The following ULK4 variants were observed in gnomAD, a reference collection of about 807,000 sequenced individuals.
ULK4 encodes inactive serine/threonine-protein kinase ULK4.
In ULK4, 133 loss-of-function variants were observed where a neutral mutation model predicts 160.6. The ratio of observed to expected loss-of-function variants is 0.83; its 90% confidence interval spans 0.72 to 0.96. ULK4 has a LOEUF of 0.96. ULK4 is among the 40% of genes least tolerant of loss of function. ULK4 has a pLI of 0.00. For synonymous variants in ULK4, 534 were observed against 539.8 expected, an observed-to-expected ratio of 0.99 and a Z score of 0.15; for missense variants, 1,580 against 1,499.5, an observed-to-expected ratio of 1.05 and a Z score of -0.89.
intron 30 of ULK4, among the ~76,000 whole-genome samples, chr3:41,641,838 A>G (rs1053802555): frequency 7.2e-5 from 11 of 152,060 alleles, no homozygotes; most frequent in Non-Finnish European, 1.5e-4. Context: ...CAAGTAAAAA[A>G]AAAAAGGAGC....
At chr3:41,527,578 C>T (rs2086164249) in intron 32 of ULK4, among the ~76,000 whole-genome samples, 1 of 152,216 alleles carries the variant, frequency 6.6e-6, no homozygotes, top group African/African-American at 2.4e-5. Context: ...GGAAGTCTGG[C>T]TCCAGACTTT....
Position 41,717,847 on chromosome 3 carries a change from A to G in ULK4, c.2336T>C (p.Ile779Thr). 2 of 1,613,980 alleles carry G rather than the reference A, an allele frequency of 1.2e-6. No homozygotes were observed. The highest frequency in any genetic ancestry group is 2.2e-5 in the South Asian group (2 of 91,064). Reference sequence around the variant, plus strand: ...AGTGGTCTTTCTGCTGTCTCTCTCGATGTACATCACCAGTCTACATACAGG... The same window carrying G: ...AGTGGTCTTTCTGCTGTCTCTCTCGGTGTACATCACCAGTCTACATACAGG... ...LSCQARLVMY[I>T]ERDSRKTTPG... Residue 779 changes from isoleucine (I) to threonine (T), a missense_variant, in exon 23 of 37, where the codon ATC becomes ACC. By Grantham distance (89) the Ile-to-Thr change is moderately conservative. Transcript: ENST00000301831.
chr3:41,444,402 T>A (rs2083246463), intron 34 of ULK4, among the ~76,000 whole-genome samples: 1 of 151,920 alleles, frequency 6.6e-6, no homozygotes, highest in Admixed American at 6.6e-5. Context: ...TGTATATATA[T>A]AATCTCCTTA....
At chr3:41,682,057 T>C (rs1469734599) in intron 27 of ULK4, among the ~76,000 whole-genome samples, 5 of 152,212 alleles carry the variant, frequency 3.3e-5, no homozygotes, top group Non-Finnish European at 5.9e-5. Context: ...TCAGGGTCTA[T>C]GAAAGGAACT....
chr3:41,249,825 G>A (rs1006955745), intron 35 of ULK4, among the ~76,000 whole-genome samples: 2 of 152,172 alleles, frequency 1.3e-5, no homozygotes, highest in Admixed American at 6.5e-5. Context: ...GGCAGAAGAC[G>A]GCCAGTTCAG....
At chr3:41,300,918 C>T (rs1356606278) in intron 35 of ULK4, among the ~76,000 whole-genome samples, 7 of 128,560 alleles carry the variant, frequency 5.4e-5, no homozygotes, top group African/African-American at 1.8e-4. Context: ...ATGGCCAAGA[C>T]CTGAAGTCAC....
intron 22 of ULK4, among the ~76,000 whole-genome samples, chr3:41,750,982 GAGAA>G (rs1212143049): frequency 2.6e-4 from 31 of 120,672 alleles, no homozygotes; most frequent in South Asian, 2.5e-3. Context: ...AAGAGAGAGA[GAGAA>G]AGAGAGAGAG....
chr3:41,735,687 T>TTTATTTTTATTATTATTATTA (rs1553641853), intron 22 of ULK4, among the ~76,000 whole-genome samples: 2 of 144,494 alleles, frequency 1.4e-5, no homozygotes, highest in Non-Finnish European at 3.0e-5. Context: ...CTAAGTCCAT[T>TTTATTTTTATTATTATTATTA]TTATTATTAT....
chr3:41,518,771 C>A (rs559663261), intron 32 of ULK4, among the ~76,000 whole-genome samples: 1 of 152,142 alleles, frequency 6.6e-6, no homozygotes, highest in African/African-American at 2.4e-5. Flanking sequence ...TGTCTTTGTA[C>A]GGGTATGACC....
chr3:41,580,501 T>G (rs1189513120), intron 31 of ULK4, among the ~76,000 whole-genome samples: 1 of 152,046 alleles, frequency 6.6e-6, no homozygotes, highest in East Asian at 1.9e-4. Context: ...ACATCAGGGC[T>G]AGGGACACCC....
chr3:41,624,587 A>G (rs1035776555), intron 30 of ULK4, among the ~76,000 whole-genome samples: 1 of 152,234 alleles, frequency 6.6e-6, no homozygotes, highest in African/African-American at 2.4e-5. Flanking sequence ...TCTTCTGAAT[A>G]CAATATACCA....
chr3:41,481,139 G>A (rs940223426), intron 32 of ULK4, among the ~76,000 whole-genome samples: 1 of 152,162 alleles, frequency 6.6e-6, no homozygotes, highest in Non-Finnish European at 1.5e-5. Context: ...TTTTTGGGTT[G>A]TCAAAAGTTA....
chr3:41,490,642 T>C (rs2084719866), intron 32 of ULK4, among the ~76,000 whole-genome samples: 1 of 152,224 alleles, frequency 6.6e-6, no homozygotes. Context: ...AGAATGGAAC[T>C]CTATTTGAAG....
intron 34 of ULK4, among the ~76,000 whole-genome samples, chr3:41,433,171 G>C (rs919301009): frequency 6.6e-6 from 1 of 152,098 alleles, no homozygotes; most frequent in African/African-American, 2.4e-5. Flanking sequence ...AGAAAAACAT[G>C]AGCAAGGGTT....
At chr3:41,557,220 C>T (rs1575409139) in intron 32 of ULK4, among the ~76,000 whole-genome samples, 1 of 151,864 alleles carries the variant, frequency 6.6e-6, no homozygotes, top group Admixed American at 6.6e-5. Flanking sequence ...TAGAAGAGTA[C>T]CTCCTTACCC....
intron 35 of ULK4, among the ~76,000 whole-genome samples, chr3:41,277,463 T>C (rs1286382311): frequency 6.6e-6 from 1 of 152,200 alleles, no homozygotes; most frequent in Non-Finnish European, 1.5e-5. Flanking sequence ...AGTCAATAAA[T>C]GTCATATACC....
intron 35 of ULK4, among the ~76,000 whole-genome samples, chr3:41,324,117 A>G (rs902316234): frequency 2.0e-5 from 3 of 152,218 alleles, no homozygotes; most frequent in Non-Finnish European, 4.4e-5. Context: ...TCAAGAAGGC[A>G]GCCCATTCTC....
chr3:41,335,152 A>G (rs2125744625), intron 35 of ULK4, among the ~76,000 whole-genome samples: 1 of 152,354 alleles, frequency 6.6e-6, no homozygotes, highest in South Asian at 2.1e-4. Context: ...TCTTTGCAAG[A>G]CAAGTAGAAC....
Position 41,549,681 on chromosome 3 carries a change from T to C in ULK4, c.3226+16344A>G, listed in dbSNP as rs930000798. Among the ~76,000 whole-genome samples the C allele has an allele frequency of 2.0e-5, 3 of 152,006 alleles. No homozygotes were observed. The East Asian group carries it at 5.8e-4, about 29-fold the overall frequency. Reference sequence around the variant, plus strand: ...TTGCAAGATCTTTAGACTCCAGAAATAGGAAGCTCAAATATTGCCAATCAG... The same window carrying C: ...TTGCAAGATCTTTAGACTCCAGAAACAGGAAGCTCAAATATTGCCAATCAG... On this transcript the variant is annotated intron_variant, in intron 32 of 36. Transcript: ENST00000301831.
Sources: allele counts gnomAD v4.1 joint callset (sites outside exome capture counted in the v4.1 genomes callset), GRCh38; gene constraint gnomAD v4.1.1; transcripts MANE v1.5; gene names NCBI Gene and HGNC (gene_info 2026-07-23, HGNC 2026-07-21).